NPL: variants seen among roughly 807,000 people sequenced by gnomAD.
NPL encodes the protein N-acetylneuraminate lyase.
Under a neutral mutation model 41.1 loss-of-function variants are expected in NPL, and 32 were observed. That is an observed-to-expected ratio of 0.78 (90% CI 0.59 to 1.05). NPL has a LOEUF of 1.05. Ranked by LOEUF, NPL falls within the 50% of genes least tolerant of loss-of-function variation. NPL has a pLI of 0.00. For missense variants in NPL, 321 were observed against 378.4 expected (o/e 0.85, Z 1.26); for synonymous variants, 128 against 134.9 (o/e 0.95, Z 0.35).
At chr1:182,818,491 T>C in intron 8 of NPL, 50 bp from the exon 9 acceptor site, 1 of 1,607,588 alleles carries the variant, frequency 6.2e-7, no homozygotes, top group East Asian at 2.2e-5. Flanking sequence ...ATATGAGATG[T>C]TATTTCCTAG....
intron 3 of NPL, among the ~76,000 whole-genome samples, chr1:182,796,066 C>T (rs528991605): frequency 1.3e-5 from 2 of 150,636 alleles, no homozygotes; most frequent in Non-Finnish European, 2.9e-5. Flanking sequence ...GATCTTTTTC[C>T]GTTTCCCAAA....
Position 182,828,175 on chromosome 1 carries a change from C to G in NPL, c.779-549C>G, listed in dbSNP as rs2102573602. ...CCAGTTTTACATAGGTAGTTTAATT[C>G]CAGCTTCTCACCATGCATAGATCTA... On this transcript the variant is annotated intron_variant, in intron 12 of 12. Coordinates refer to ENST00000367553, the MANE Select transcript of NPL (RefSeq NM_030769.3). This position sits in a 1 kb window ranked among gnomAD's most constrained non-coding sequence, Gnocchi z 4.0. 6.6e-6 allele frequency among the ~76,000 whole-genome samples: 1 copy of G among 152,220 alleles called. No individual in the cohort carries two copies. The highest frequency in any genetic ancestry group is 2.1e-4 in the South Asian group (1 of 4,820).
chr1:182,830,235 C>A lies in NPL; in HGVS notation c.*1327C>A, dbSNP rs1667731211. On this transcript the variant is annotated 3_prime_UTR_variant, in exon 13 of 13. Coordinates refer to ENST00000367553, the MANE Select transcript of NPL (RefSeq NM_030769.3). The stretch of plus-strand genomic sequence containing the variant: ...TCATATATCCTCAACCCTCTTTTTG[C>A]CTTTGTAGCTTTTAATTTCCTGAAA... The A allele has an allele frequency of 6.6e-6, 1 of 151,992 alleles. No individual in the cohort carries two copies. Among genetic ancestry groups the A allele is most frequent in the Admixed American group, 6.5e-5 (1 of 15,284 alleles). The allele number at this position is 151,992 out of a possible 1,614,324, so 9.4% of individuals were successfully genotyped here. A position where few individuals can be genotyped will look rare whatever the true frequency, so the allele number is the denominator to read the frequency against.
chr1:182,818,006 C>T (rs1344313141), intron 8 of NPL, among the ~76,000 whole-genome samples: 2 of 152,172 alleles, frequency 1.3e-5, no homozygotes, highest in Non-Finnish European at 1.5e-5. Flanking sequence ...CTGAAAGTTC[C>T]ACCCCTCTAA....
rs775839548 is a variant in NPL, at chr1:182,818,544, G to A, written c.461G>A (p.Arg154His). The change falls in exon 9 of 13, where the codon CGT becomes CAT. Residue 154 changes from arginine (R) to histidine (H), a missense_variant. Physicochemically the swap from Arg to His is conservative, Grantham distance 29. Coordinates refer to ENST00000367553, the MANE Select transcript of NPL (RefSeq NM_030769.3). ...AGGCACTTATTATTTTGAGCAGTTC[G>A]TGCTGAGGAGTTGTTGGATGGGATT... Reference protein sequence around the residue: ...HIPALTGVKIRAEELLDGILD... With the variant: ...HIPALTGVKIHAEELLDGILD... The A allele has an allele frequency of 1.6e-5, 26 of 1,613,922 alleles. No homozygotes were observed. In the East Asian group the frequency reaches 1.8e-4, roughly 11 times the overall value.
intron 12 of NPL, among the ~76,000 whole-genome samples, chr1:182,827,340 T>G (rs891614375): frequency 6.6e-6 from 1 of 152,228 alleles, no homozygotes; most frequent in Non-Finnish European, 1.5e-5. Flanking sequence ...GTGTACCTGA[T>G]CTTCCATTTG....
At chr1:182,799,591 T>A (rs1316931676) in intron 3 of NPL, among the ~76,000 whole-genome samples, 48 of 151,254 alleles carry the variant, frequency 3.2e-4, no homozygotes, top group African/African-American at 1.2e-3. Context: ...GCTCCTGTAA[T>A]TAAAAAAAAA....
rs570871269 is a variant in NPL at position 182,815,671 on chromosome 1, A to G, written c.364+813A>G. On this transcript the variant is annotated intron_variant, in intron 7 of 12. Coordinates refer to ENST00000367553, the MANE Select transcript of NPL (RefSeq NM_030769.3). ...CAGGCTGGAGTACAGTGGCATGATC[A>G]TAGCTCACTGCAGCCTCAAACTCCT... 5.3e-5 allele frequency among the ~76,000 whole-genome samples: 8 copies of G among 152,294 alleles called. No individual in the cohort carries two copies. The South Asian group carries it at 1.5e-3, about 28-fold the overall frequency.
At chr1:182,798,016 G>A (rs1031429964) in intron 3 of NPL, among the ~76,000 whole-genome samples, 5 of 152,200 alleles carry the variant, frequency 3.3e-5, no homozygotes, top group Non-Finnish European at 7.3e-5. Context: ...TTGATGCTAT[G>A]TCAGTCATCA....
chr1:182,790,613 T>G lies in NPL; in HGVS notation c.-72+808T>G, dbSNP rs1005358292. On this transcript the variant is annotated intron_variant, in intron 1 of 12. Coordinates refer to ENST00000367553, the MANE Select transcript of NPL (RefSeq NM_030769.3). Reference sequence around the variant, plus strand: ...TACTGATCATTCTCTGTTAAAGTCTTTTGTTGTTGTTGTTGTTGTTGTTGT... The same window carrying G: ...TACTGATCATTCTCTGTTAAAGTCTGTTGTTGTTGTTGTTGTTGTTGTTGT... 6.6e-5 allele frequency among the ~76,000 whole-genome samples: 10 copies of G among 150,482 alleles called. No homozygotes were observed. In the East Asian group the frequency reaches 7.9e-4, roughly 12 times the overall value.
At chr1:182,815,334 T>G (rs959636714) in intron 7 of NPL, among the ~76,000 whole-genome samples, 2 of 152,258 alleles carry the variant, frequency 1.3e-5, no homozygotes, top group South Asian at 4.1e-4. Context: ...CTCTACTGTC[T>G]TCTCTGCAGA....
chr1:182,829,597 A>C lies in NPL; in HGVS notation c.*689A>C. On this transcript the variant is annotated 3_prime_UTR_variant, in exon 13 of 13. Coordinates refer to ENST00000367553, the MANE Select transcript of NPL (RefSeq NM_030769.3). ...TGAATTTAAGTCTCCACTTTTTTCT[A>C]TACAGAAAACTCAAAACTCAAAGTT... is the stretch of plus-strand genomic sequence containing the variant. 6.5e-7 allele frequency: 1 copy of C among 1,548,404 alleles called. No homozygotes were observed. Among genetic ancestry groups the C allele is most frequent in the Non-Finnish European group, 8.7e-7 (1 of 1,144,930 alleles).
At chr1:182,808,453 CAGACATCTGCA>C (rs1667084772) in intron 5 of NPL, among the ~76,000 whole-genome samples, 1 of 152,134 alleles carries the variant, frequency 6.6e-6, no homozygotes, top group Non-Finnish European at 1.5e-5. Context: ...TAGAATGCAG[CAGACATCTGCA>C]AGTGGGAGCG....
intron 5 of NPL, among the ~76,000 whole-genome samples, chr1:182,808,691 A>G (rs928527751): frequency 6.6e-6 from 1 of 152,204 alleles, no homozygotes; most frequent in East Asian, 1.9e-4. Flanking sequence ...GCAGTGGCTC[A>G]TGCCTGTAAT....
rs750295097 is a variant in NPL, at chr1:182,828,907, A to T, written c.962A>T (p.Ter321LeuextTer11). 6.2e-7 allele frequency: 1 copy of T among 1,614,184 alleles called. No homozygotes were observed. The highest frequency in any genetic ancestry group is 8.5e-7 in the Non-Finnish European group (1 of 1,180,008). Residue 321 changes from the stop codon to leucine, a stop_lost, in exon 13 of 13, where the codon TAG becomes TTG. Transcript: ENST00000367553. The surrounding 1 kb of genome is among the most constrained non-coding windows in gnomAD (Gnocchi z 4.0). ...GATGGAAACTTGGAAGCTGGTAGCTAGTGCCTCTCTATCAAATCAGGGTTT... is the reference window on the plus strand; with the variant it reads ...GATGGAAACTTGGAAGCTGGTAGCTTGTGCCTCTCTATCAAATCAGGGTTT... The part of the protein sequence containing the change: ...LKDGNLEAGS[*>L]
chr1:182,818,414 A>G, intron 8 of NPL, 127 bp from the exon 9 acceptor site: 1 of 1,161,266 alleles, frequency 8.6e-7, no homozygotes, highest in Non-Finnish European at 1.3e-6. Flanking sequence ...ACCAGTGATT[A>G]TGCCTAGTCT....
At chr1:182,809,585 G>A (rs1667120623) in intron 5 of NPL, among the ~76,000 whole-genome samples, 1 of 151,866 alleles carries the variant, frequency 6.6e-6, no homozygotes, top group Non-Finnish European at 1.5e-5. Flanking sequence ...AAAGCAAATG[G>A]TGATATAGCC....
At chr1:182,822,332 T>C in intron 11 of NPL, 133 bp downstream of exon 11, 1 of 713,932 alleles carries the variant, frequency 1.4e-6, no homozygotes, top group Non-Finnish European at 2.5e-6. Context: ...TTCTTCTGTT[T>C]TGTACTTTTT....
chr1:182,796,107 A>G (rs1205071605), intron 3 of NPL, among the ~76,000 whole-genome samples: 3 of 125,726 alleles, frequency 2.4e-5, no homozygotes, highest in African/African-American at 6.2e-5. Context: ...CCATTTTACT[A>G]TTTTCTCATC....
Sources: gnomAD v4.1 joint callset for allele counts (sites outside exome capture counted in the v4.1 genomes callset) on GRCh38, gnomAD v4.1.1 for gene constraint, Gnocchi (gnomAD v3.1) non-coding constraint, MANE v1.5 for transcripts, NCBI Gene and HGNC (gene_info 2026-07-23, HGNC 2026-07-21) for gene names.